The following SPAG17 variants were observed in gnomAD, a reference collection of about 807,000 sequenced individuals.
The protein encoded by SPAG17 is sperm associated antigen 17.
In SPAG17, 169 loss-of-function variants were observed where a neutral mutation model predicts 273.6. That is an observed-to-expected ratio of 0.62 (90% confidence interval 0.55 to 0.70). SPAG17 has a LOEUF of 0.70. SPAG17 is among the 30% of genes least tolerant of loss of function. The pLI, the probability that SPAG17 is intolerant of heterozygous loss-of-function variation, is 0.00. For synonymous variants in SPAG17, 825 were observed against 873.2 expected, an observed-to-expected ratio of 0.94 and a Z score of 0.97; for missense variants, 2,557 against 2,627.8, an observed-to-expected ratio of 0.97 and a Z score of 0.59.
At position 117,959,341 on chromosome 1, in the gene SPAG17, G is replaced by A. The variant is rs561648630; in HGVS notation, c.*4458C>T. 9.3e-6 allele frequency: 15 copies of A among 1,613,870 alleles called. No individual in the cohort carries two copies. The Admixed American group carries it at 2.3e-4, about 25-fold the overall frequency. Reference sequence around the variant, plus strand: ...GGTCTTGATTATCTCAAGAGGGAATGCGAGGCAAAAAGTGAAGTTATGTTT... The same window carrying A: ...GGTCTTGATTATCTCAAGAGGGAATACGAGGCAAAAAGTGAAGTTATGTTT... On this transcript the variant is annotated intron_variant, in intron 48 of 48. Coordinates refer to ENST00000336338, the MANE Select transcript of SPAG17 (RefSeq NM_206996.4).
chr1:117,989,375 C>T (rs903600972), intron 38 of SPAG17, among the ~76,000 whole-genome samples: 3 of 151,902 alleles, frequency 2.0e-5, no homozygotes, highest in Non-Finnish European at 4.4e-5. Flanking sequence ...ATAGAGATCA[C>T]ATAACGAAAA....
chr1:117,974,337 G>A (rs572895568), intron 43 of SPAG17, among the ~76,000 whole-genome samples: 10 of 152,158 alleles, frequency 6.6e-5, no homozygotes, highest in African/African-American at 1.7e-4. Context: ...CACAACAACC[G>A]TATAAGGTGG....
At chr1:118,133,033 A>T (rs994842524) in intron 3 of SPAG17, among the ~76,000 whole-genome samples, 1 of 152,046 alleles carries the variant, frequency 6.6e-6, no homozygotes, top group Non-Finnish European at 1.5e-5. Context: ...AGCCTCCCAA[A>T]GTGCTGTGAT....
chr1:118,086,245 T>G (rs949996994), intron 12 of SPAG17, among the ~76,000 whole-genome samples, 173 bp from the exon 13 acceptor site: 3 of 152,218 alleles, frequency 2.0e-5, no homozygotes, highest in African/African-American at 7.2e-5. Context: ...AAAAAGCTAG[T>G]TCCTATGTTG....
intron 18 of SPAG17, among the ~76,000 whole-genome samples, chr1:118,059,292 A>G (rs1258862389): frequency 1.3e-5 from 2 of 152,126 alleles, no homozygotes; most frequent in East Asian, 1.9e-4. Context: ...AAGGAATTAT[A>G]TTTAAATCTC....
At chr1:118,023,998 C>T (rs1647418567) in intron 27 of SPAG17, among the ~76,000 whole-genome samples, 1 of 152,102 alleles carries the variant, frequency 6.6e-6, no homozygotes, top group Non-Finnish European at 1.5e-5. Context: ...AAATGTCTAT[C>T]TGGTTTTTAT....
intron 28 of SPAG17, among the ~76,000 whole-genome samples, chr1:118,022,669 T>G (rs1321486039): frequency 1.3e-5 from 2 of 152,190 alleles, no homozygotes; most frequent in East Asian, 3.8e-4. Flanking sequence ...CACTGTTCAT[T>G]GCTTATCCAA....
At chr1:118,147,669 G>C (rs553067288) in intron 3 of SPAG17, among the ~76,000 whole-genome samples, 1 of 152,286 alleles carries the variant, frequency 6.6e-6, no homozygotes, top group South Asian at 2.1e-4. Flanking sequence ...CAATGCCATG[G>C]CTAGATGAAA....
At chr1:118,131,281 C>A (rs1039145557) in intron 3 of SPAG17, among the ~76,000 whole-genome samples, 21 of 152,200 alleles carry the variant, frequency 1.4e-4, no homozygotes, top group Non-Finnish European at 2.6e-4. Flanking sequence ...ACCAAATGTG[C>A]CTCAGAGCCT....
chr1:118,165,384 CT>C (rs948043881), intron 1 of SPAG17, among the ~76,000 whole-genome samples: 14 of 152,100 alleles, frequency 9.2e-5, no homozygotes, highest in Admixed American at 9.2e-4. Context: ...TAAACCTCCA[CT>C]CTTAACCTCA....
In SPAG17 at chr1:118,091,612, C is replaced by A. The variant is rs2102190160; in HGVS notation, c.1353G>T (p.Leu451=). 1 of 1,599,318 alleles carries A rather than the reference C, an allele frequency of 6.3e-7. No homozygotes were observed. The highest frequency in any genetic ancestry group is 2.2e-5 in the East Asian group (1 of 44,718). The stretch of plus-strand genomic sequence containing the variant: ...TGGGAAAAAGCCTCCCCACCTGTTC[C>A]AGCATACAATGCAGTATCAGGGGCA... ...ISVPLILHCM[L]EQVVATEEDL... Residue 451 remains leucine, a synonymous_variant, in exon 10 of 49, where the codon CTG becomes CTT. Coordinates refer to ENST00000336338, the MANE Select transcript of SPAG17 (RefSeq NM_206996.4).
chr1:118,026,938 A>G (rs1211186680), intron 26 of SPAG17, among the ~76,000 whole-genome samples: 1 of 152,182 alleles, frequency 6.6e-6, no homozygotes, highest in Non-Finnish European at 1.5e-5. Flanking sequence ...TTCATAGTAT[A>G]TGGAAGATTT....
chr1:117,988,337 A>C, intron 38 of SPAG17, 133 bp from the exon 39 acceptor site: 1 of 532,676 alleles, frequency 1.9e-6, no homozygotes, highest in Non-Finnish European at 3.1e-6. Flanking sequence ...ACTAGGACTT[A>C]CATGACCAAG....
chr1:118,155,811 G>A (rs926341760), intron 1 of SPAG17, among the ~76,000 whole-genome samples: 1 of 152,176 alleles, frequency 6.6e-6, no homozygotes, highest in Non-Finnish European at 1.5e-5. Flanking sequence ...ACTGCAAAAT[G>A]GACAGGGATT....
intron 1 of SPAG17, among the ~76,000 whole-genome samples, chr1:118,152,617 G>A (rs1338338936): frequency 6.6e-6 from 1 of 152,060 alleles, no homozygotes; most frequent in Non-Finnish European, 1.5e-5. Context: ...ACATGTAAAA[G>A]CATAAAAATG....
intron 31 of SPAG17, among the ~76,000 whole-genome samples, chr1:118,005,832 C>T (rs972025201): frequency 7.9e-5 from 12 of 152,156 alleles, no homozygotes; most frequent in African/African-American, 2.9e-4. Flanking sequence ...ATCTTATCTG[C>T]TCGCTTTAAT....
chr1:118,106,787 A>G (rs989604024), intron 4 of SPAG17, among the ~76,000 whole-genome samples: 4 of 152,194 alleles, frequency 2.6e-5, no homozygotes, highest in Non-Finnish European at 4.4e-5. Context: ...CATTTCACAG[A>G]TACTCCTCCC....
At chr1:118,175,009 T>C (rs1178936962) in intron 1 of SPAG17, among the ~76,000 whole-genome samples, 1 of 126,262 alleles carries the variant, frequency 7.9e-6, no homozygotes, top group Non-Finnish European at 1.7e-5. Flanking sequence ...AAGGTCTGGG[T>C]GGAAGGGGAC....
intron 48 of SPAG17, chr1:117,954,583 C>T (rs147613184): frequency 8.0e-5 from 129 of 1,612,244 alleles, no homozygotes; most frequent in Non-Finnish European, 1.0e-4. Flanking sequence ...TTCATAGGTT[C>T]CACTTCCCAG....
Sources: gnomAD v4.1 joint callset for allele counts (sites outside exome capture counted in the v4.1 genomes callset) on GRCh38, gnomAD v4.1.1 for gene constraint, MANE v1.5 for transcripts, NCBI Gene and HGNC (gene_info 2026-07-23, HGNC 2026-07-21) for gene names.